Variants in PDE3A observed in about 807,000 individuals in gnomAD.
PDE3A encodes the protein cGMP-inhibited 3',5'-cyclic phosphodiesterase 3A.
Under a neutral mutation model 98.3 loss-of-function variants are expected in PDE3A, and 43 were observed. The observed-to-expected ratio is 0.44, with a 90% CI of 0.34 to 0.56. The LOEUF is 0.56. PDE3A is among the 20% of genes least tolerant of loss of function. The probability of loss-of-function intolerance (pLI) is 0.01; values close to 1 mark genes in which losing one functional copy is unlikely to be tolerated. For missense variants in PDE3A, 1,427 were observed against 1,440.7 expected (o/e 0.99, Z 0.15); for synonymous variants, 663 against 567.9 (o/e 1.17, Z -2.38).
chr12:20,538,007 G>C (rs547647240), intron 1 of PDE3A, among the ~76,000 whole-genome samples: 3 of 152,052 alleles, frequency 2.0e-5, no homozygotes, highest in Non-Finnish European at 2.9e-5. Context: ...TGAACCAAAC[G>C]CATAATAGAA....
intron 1 of PDE3A, among the ~76,000 whole-genome samples, chr12:20,489,011 A>T (rs1428888670): frequency 6.6e-6 from 1 of 152,238 alleles, no homozygotes; most frequent in African/African-American, 2.4e-5. Context: ...TTCAGCAATC[A>T]ACGAATAATT....
intron 2 of PDE3A, among the ~76,000 whole-genome samples, chr12:20,602,228 C>T (rs1943609705): frequency 6.6e-6 from 1 of 152,172 alleles, no homozygotes; most frequent in African/African-American, 2.4e-5. Context: ...TTGCCAGCTA[C>T]ATCATCTTTT....
At chr12:20,639,363 A>G (rs1439750431) in intron 9 of PDE3A, among the ~76,000 whole-genome samples, 2 of 152,134 alleles carry the variant, frequency 1.3e-5, no homozygotes, top group Non-Finnish European at 2.9e-5. Flanking sequence ...TATGATCCTT[A>G]TTAGTCACTG....
chr12:20,624,353 T>C (rs1048476005), intron 5 of PDE3A, among the ~76,000 whole-genome samples: 1 of 152,194 alleles, frequency 6.6e-6, no homozygotes, highest in Non-Finnish European at 1.5e-5. Context: ...CTGAAAATTA[T>C]GGTTAGGGCA....
chr12:20,657,056 A>T (rs2121521303), intron 15 of PDE3A, among the ~76,000 whole-genome samples: 1 of 152,326 alleles, frequency 6.6e-6, no homozygotes, highest in South Asian at 2.1e-4. Flanking sequence ...ACAATTTAAA[A>T]ATATCCCATC....
rs1355196559 is a variant in PDE3A, at chr12:20,419,736, G to GT, written c.960+49493dup. Among the ~76,000 whole-genome samples the GT allele has an allele frequency of 3.7e-3, 199 of 53,124 alleles. 1 individual carries two copies. Among genetic ancestry groups the GT allele is most frequent in the African/African-American group, 0.01 (168 of 16,612 alleles). 34.9% of individuals were successfully genotyped at this position (53,124 alleles called of 152,430 possible). ...CAACCCTATGATTAAATTTAATATT[G>GT]TATTTTTTTTTTTTTTTTTGAGACA... On this transcript the variant is annotated intron_variant, in intron 1 of 15. Coordinates refer to ENST00000359062, the MANE Select transcript of PDE3A (RefSeq NM_000921.5).
chr12:20,671,460 G>A (rs1945479719), intron 15 of PDE3A, among the ~76,000 whole-genome samples: 1 of 138,734 alleles, frequency 7.2e-6, no homozygotes, highest in African/African-American at 2.6e-5. Context: ...ATAAAATACT[G>A]GCAAACTGAA....
At chr12:20,641,763 ATGTTACAAG>A (rs1944651998) in intron 10 of PDE3A, among the ~76,000 whole-genome samples, 2 of 152,246 alleles carry the variant, frequency 1.3e-5, no homozygotes, top group South Asian at 4.1e-4. Context: ...ACATTTTTAT[ATGTTACAAG>A]TAATAGATAT....
intron 1 of PDE3A, among the ~76,000 whole-genome samples, chr12:20,548,957 G>A (rs923431246): frequency 2.0e-5 from 3 of 151,792 alleles, no homozygotes; most frequent in Non-Finnish European, 4.4e-5. Flanking sequence ...TATTTATTGT[G>A]AATAACCATT....
chr12:20,465,067 C>G (rs139458375), intron 1 of PDE3A, among the ~76,000 whole-genome samples: 1 of 152,178 alleles, frequency 6.6e-6, no homozygotes, highest in East Asian at 1.9e-4. Context: ...TCATCATACC[C>G]CATTTTTATT....
At position 20,386,049 on chromosome 12, in the gene PDE3A, T is replaced by TATAAATATATATAAAATATATATA. The variant is rs1249961883; in HGVS notation, c.960+15806_960+15807insTAAATATATATAAAATATATATAA. ...TATATAAATATATATAAAATATATA[T>TATAAATATATATAAAATATATATA]AAATATATATAAATATATATAAAAT... is the stretch of plus-strand genomic sequence containing the variant. On this transcript the variant is annotated intron_variant, in intron 1 of 15. Coordinates refer to ENST00000359062, the MANE Select transcript of PDE3A (RefSeq NM_000921.5). Among the ~76,000 whole-genome samples the TATAAATATATATAAAATATATATA allele has an allele frequency of 2.0e-3, 99 of 49,186 alleles. 9 individuals are homozygous for TATAAATATATATAAAATATATATA. The highest frequency in any genetic ancestry group is 7.4e-3 in the African/African-American group (98 of 13,270). The allele number at this position is 49,186 out of a possible 152,430, so 32.3% of individuals were successfully genotyped here.
intron 5 of PDE3A, among the ~76,000 whole-genome samples, chr12:20,628,292 T>G (rs1944311216): frequency 6.6e-6 from 1 of 152,182 alleles, no homozygotes; most frequent in African/African-American, 2.4e-5. Context: ...CTTAATTTTT[T>G]GTTTTGTTTT....
intron 15 of PDE3A, among the ~76,000 whole-genome samples, chr12:20,664,100 C>T (rs1423777885): frequency 1.3e-5 from 2 of 152,056 alleles, no homozygotes; most frequent in African/African-American, 2.4e-5. Flanking sequence ...CTTCCTGCCA[C>T]CATGTGAATT....
intron 10 of PDE3A, among the ~76,000 whole-genome samples, chr12:20,644,003 C>G (rs886592225): frequency 1.3e-5 from 2 of 152,066 alleles, no homozygotes; most frequent in African/African-American, 4.8e-5. Flanking sequence ...GATACTGCCC[C>G]CCATCCACCT....
At chr12:20,489,925 A>G (rs1193403240) in intron 1 of PDE3A, among the ~76,000 whole-genome samples, 2 of 152,194 alleles carry the variant, frequency 1.3e-5, no homozygotes, top group Admixed American at 6.5e-5. Context: ...GGGCCAGAGT[A>G]TATTCACTGC....
At chr12:20,598,604 C>A (rs1037354292) in intron 2 of PDE3A, among the ~76,000 whole-genome samples, 6 of 152,144 alleles carry the variant, frequency 3.9e-5, no homozygotes, top group African/African-American at 1.4e-4. Flanking sequence ...CAAAGGGGAA[C>A]ATTTTCTTAG....
chr12:20,378,782 A>G (rs1260871417), intron 1 of PDE3A, among the ~76,000 whole-genome samples: 2 of 151,632 alleles, frequency 1.3e-5, no homozygotes, highest in African/African-American at 4.8e-5. Flanking sequence ...CTAATTTTGA[A>G]GTTGATTTAA....
chr12:20,635,603 A>G (rs565465512), intron 8 of PDE3A, among the ~76,000 whole-genome samples: 1 of 150,822 alleles, frequency 6.6e-6, no homozygotes, highest in East Asian at 2.0e-4. Flanking sequence ...AAAGAAAGAA[A>G]TTACCCAGGC....
chr12:20,381,959 T>C (rs1022170662), intron 1 of PDE3A, among the ~76,000 whole-genome samples: 2 of 151,882 alleles, frequency 1.3e-5, no homozygotes, highest in African/African-American at 4.8e-5. Flanking sequence ...TAAATGCCCC[T>C]GGTTAATAGA....
Sources: allele counts gnomAD v4.1 joint callset (sites outside exome capture counted in the v4.1 genomes callset), GRCh38; gene constraint gnomAD v4.1.1; transcripts MANE v1.5; gene names NCBI Gene and HGNC (gene_info 2026-07-23, HGNC 2026-07-21).